Variants in PLXDC2 observed in about 807,000 individuals in gnomAD.
PLXDC2 encodes the protein plexin domain containing 2, also known as plexin domain-containing protein 2.
PLXDC2 carries 40 observed loss-of-function variants against 68.9 expected under a neutral mutation model. The ratio of observed to expected loss-of-function variants is 0.58; its 90% CI spans 0.45 to 0.76. The LOEUF (loss-of-function observed/expected upper bound fraction) is 0.76, where lower values mean the gene tolerates loss of function less well. Ranked by LOEUF, PLXDC2 falls within the 30% of genes least tolerant of loss-of-function variation. PLXDC2 has a pLI of 0.00. For synonymous variants in PLXDC2, 243 were observed against 234.2 expected, an observed-to-expected ratio of 1.04 and a Z score of -0.34; for missense variants, 644 against 661.9, an observed-to-expected ratio of 0.97 and a Z score of 0.30.
chr10:19,909,427 A>C (rs1833226983), intron 1 of PLXDC2, among the ~76,000 whole-genome samples: 1 of 152,210 alleles, frequency 6.6e-6, no homozygotes, highest in Non-Finnish European at 1.5e-5. Context: ...GAAAGAGATT[A>C]ATAAGGCTTT....
intron 4 of PLXDC2, among the ~76,000 whole-genome samples, chr10:20,104,986 G>A (rs541833076): frequency 6.8e-6 from 1 of 146,634 alleles, no homozygotes; most frequent in East Asian, 2.0e-4. Context: ...GGGGGTCAGA[G>A]GTTGCAGTGA....
intron 1 of PLXDC2, among the ~76,000 whole-genome samples, chr10:19,934,927 G>C (rs1833698123): frequency 6.6e-6 from 1 of 152,168 alleles, no homozygotes; most frequent in Non-Finnish European, 1.5e-5. Flanking sequence ...TATCTCTCAT[G>C]TATCTCAGGA....
chr10:19,823,911 G>A (rs995039714), intron 1 of PLXDC2, among the ~76,000 whole-genome samples: 1 of 152,132 alleles, frequency 6.6e-6, no homozygotes, highest in Non-Finnish European at 1.5e-5. Context: ...GGTAGGCTGA[G>A]GTGGGAGGAT....
intron 13 of PLXDC2, among the ~76,000 whole-genome samples, chr10:20,257,121 C>T (rs2119359255): frequency 6.6e-6 from 1 of 152,284 alleles, no homozygotes; most frequent in South Asian, 2.1e-4. Flanking sequence ...CAAATACCAA[C>T]TCATTGTAAA....
intron 1 of PLXDC2, among the ~76,000 whole-genome samples, chr10:19,877,673 G>A (rs867501819): frequency 2.6e-5 from 4 of 152,336 alleles, no homozygotes; most frequent in South Asian, 2.1e-4. Flanking sequence ...CGGCGTTCCC[G>A]AATGACCTAA....
chr10:19,817,711 C>A (rs1836381278), intron 1 of PLXDC2, among the ~76,000 whole-genome samples: 1 of 152,160 alleles, frequency 6.6e-6, no homozygotes, highest in Non-Finnish European at 1.5e-5. Flanking sequence ...TGACCTGGGC[C>A]AAGCGGGCGC....
At chr10:20,056,714 A>C (rs1836006039) in intron 3 of PLXDC2, among the ~76,000 whole-genome samples, 1 of 152,118 alleles carries the variant, frequency 6.6e-6, no homozygotes, top group South Asian at 2.1e-4. Context: ...ATCATATTTG[A>C]GTTCCTATTT....
chr10:20,144,894 T>C lies in PLXDC2; in HGVS notation c.664+1477T>C, dbSNP rs116034895. Among the ~76,000 whole-genome samples, 493 of 152,322 alleles carry C rather than the reference T, an allele frequency of 3.2e-3. 2 individuals carry two copies. Among genetic ancestry groups the C allele is most frequent in the African/African-American group, 0.011 (452 of 41,580 alleles). Reference sequence around the variant, plus strand: ...TAAAGCATATTAAATAAGTCTCTCTTCATATATTTTCATATACCTTGTTCC... The same window carrying C: ...TAAAGCATATTAAATAAGTCTCTCTCCATATATTTTCATATACCTTGTTCC... On this transcript the variant is annotated intron_variant, in intron 5 of 13. Coordinates refer to ENST00000377252, the MANE Select transcript of PLXDC2 (RefSeq NM_032812.9).
intron 3 of PLXDC2, among the ~76,000 whole-genome samples, chr10:20,048,320 C>T (rs189385678): frequency 1.6e-4 from 25 of 152,006 alleles, no homozygotes; most frequent in Middle Eastern, 3.4e-3. Context: ...ATGCTTTCTG[C>T]GTCTGAGAAG....
chr10:20,057,452 A>G (rs1386282867), intron 3 of PLXDC2, among the ~76,000 whole-genome samples: 3 of 152,070 alleles, frequency 2.0e-5, no homozygotes, highest in Non-Finnish European at 4.4e-5. Context: ...CACTTAGGTG[A>G]TGGATGGATA....
At chr10:20,207,962 G>T (rs1417328132) in intron 9 of PLXDC2, among the ~76,000 whole-genome samples, 1 of 151,900 alleles carries the variant, frequency 6.6e-6, no homozygotes, top group East Asian at 1.9e-4. Flanking sequence ...CTCTGGCAAG[G>T]GTTCTTAGAA....
At chr10:20,110,018 A>G (rs890352544) in intron 4 of PLXDC2, among the ~76,000 whole-genome samples, 6 of 152,226 alleles carry the variant, frequency 3.9e-5, no homozygotes, top group Admixed American at 3.9e-4. Flanking sequence ...AAGTCAACAC[A>G]CAAAAAATAT....
chr10:19,985,107 C>G (rs1175871752), intron 1 of PLXDC2, among the ~76,000 whole-genome samples: 1 of 152,182 alleles, frequency 6.6e-6, no homozygotes, highest in Non-Finnish European at 1.5e-5. Flanking sequence ...TTTCATTACT[C>G]TTTGCATTCC....
intron 1 of PLXDC2, among the ~76,000 whole-genome samples, chr10:19,906,004 A>G (rs1833150949): frequency 6.6e-6 from 1 of 152,076 alleles, no homozygotes; most frequent in South Asian, 2.1e-4. Flanking sequence ...AGTGGAAAAA[A>G]AAAAACAACT....
At chr10:20,124,536 C>G (rs2461927) in intron 4 of PLXDC2, among the ~76,000 whole-genome samples, 131,271 of 152,140 alleles carry the variant, frequency 0.86, 56,760 homozygotes, top group East Asian at 0.9. Flanking sequence ...ACCAAATTTC[C>G]TGCGTGTCTG....
intron 4 of PLXDC2, among the ~76,000 whole-genome samples, chr10:20,081,284 G>A (rs1164841600): frequency 6.6e-6 from 1 of 152,028 alleles, no homozygotes; most frequent in Non-Finnish European, 1.5e-5. Flanking sequence ...ATCCAGGGAG[G>A]GGAATAGGAA....
intron 1 of PLXDC2, among the ~76,000 whole-genome samples, chr10:19,873,405 T>C (rs1837576813): frequency 6.8e-6 from 1 of 146,688 alleles, no homozygotes; most frequent in Non-Finnish European, 1.5e-5. Context: ...TTCTTCTTCG[T>C]CTTTTTTTTT....
At chr10:20,232,253 A>G (rs1007221076) in intron 12 of PLXDC2, among the ~76,000 whole-genome samples, 7 of 152,144 alleles carry the variant, frequency 4.6e-5, no homozygotes, top group African/African-American at 1.4e-4. Flanking sequence ...CTTGAACTCT[A>G]TACATTTCTG....
intron 13 of PLXDC2, among the ~76,000 whole-genome samples, chr10:20,253,638 T>C (rs559335860): frequency 1.8e-4 from 28 of 152,270 alleles, no homozygotes; most frequent in African/African-American, 5.1e-4. Flanking sequence ...AACTTCAGCC[T>C]GTGTGCAACC....
Sources: allele counts gnomAD v4.1 joint callset (sites outside exome capture counted in the v4.1 genomes callset), GRCh38; gene constraint gnomAD v4.1.1; transcripts MANE v1.5; gene names NCBI Gene and HGNC (gene_info 2026-07-23, HGNC 2026-07-21).